KCNIP4: variants seen among roughly 807,000 people sequenced by gnomAD.
KCNIP4 encodes the protein potassium voltage-gated channel interacting protein 4, also known as Kv channel-interacting protein 4.
KCNIP4 carries 12 observed loss-of-function variants against 34.0 expected under a neutral mutation model. The ratio of observed to expected loss-of-function variants is 0.35; its 90% confidence interval spans 0.23 to 0.57. The LOEUF (loss-of-function observed/expected upper bound fraction) is 0.57. Among genes scored for constraint, KCNIP4 ranks in the 20% least tolerant of loss-of-function variants. The probability of loss-of-function intolerance (pLI) is 0.83; values close to 1 mark genes in which losing one functional copy is unlikely to be tolerated. For synonymous variants in KCNIP4, 124 were observed against 102.2 expected (o/e 1.21, Z -1.29); for missense variants, 238 against 311.7 (o/e 0.76, Z 1.78).
At chr4:21,473,623 A>G (rs1446593765) in intron 1 of KCNIP4, among the ~76,000 whole-genome samples, 1 of 152,230 alleles carries the variant, frequency 6.6e-6, no homozygotes, top group East Asian at 1.9e-4. Flanking sequence ...AGTGAGCACA[A>G]GAAAACTTTA....
chr4:21,429,131 A>G (rs539730461), intron 1 of KCNIP4, among the ~76,000 whole-genome samples: 5 of 152,234 alleles, frequency 3.3e-5, no homozygotes, highest in African/African-American at 1.2e-4. Context: ...TGCGCCGCCT[A>G]TTCATTGATT....
At chr4:20,731,976 A>G in intron 8 of KCNIP4, 30 bp downstream of exon 8, 1 of 1,612,190 alleles carries the variant, frequency 6.2e-7, no homozygotes. Context: ...TGATAGCTGA[A>G]TTGATAGTTA....
At chr4:21,700,863 C>A (rs1239650132) in intron 1 of KCNIP4, among the ~76,000 whole-genome samples, 1 of 152,106 alleles carries the variant, frequency 6.6e-6, no homozygotes, top group Non-Finnish European at 1.5e-5. Context: ...TGTCCTCTCC[C>A]CATGGTGTGT....
chr4:21,942,716 T>G (rs1267177996), intron 1 of KCNIP4, among the ~76,000 whole-genome samples: 1 of 152,232 alleles, frequency 6.6e-6, no homozygotes, highest in African/African-American at 2.4e-5. Flanking sequence ...GTGATTTAAT[T>G]CAATCAATAT....
intron 1 of KCNIP4, among the ~76,000 whole-genome samples, chr4:20,909,157 T>A (rs887747195): frequency 6.6e-6 from 1 of 152,230 alleles, no homozygotes; most frequent in Non-Finnish European, 1.5e-5. Context: ...GGTTTGCTTA[T>A]TGAATAGACT....
At chr4:20,803,773 G>T (rs1474665124) in intron 3 of KCNIP4, among the ~76,000 whole-genome samples, 2 of 146,352 alleles carry the variant, frequency 1.4e-5, no homozygotes, top group African/African-American at 5.1e-5. Context: ...AAGGAAGGAC[G>T]GAAAATAGAG....
intron 1 of KCNIP4, among the ~76,000 whole-genome samples, chr4:21,196,855 T>C (rs1254162537): frequency 6.6e-6 from 1 of 152,130 alleles, no homozygotes; most frequent in African/African-American, 2.4e-5. Flanking sequence ...TCTGATGCAT[T>C]TGTACATGCA....
intron 1 of KCNIP4, among the ~76,000 whole-genome samples, chr4:21,545,596 C>T (rs1560505300): frequency 6.6e-6 from 1 of 152,152 alleles, no homozygotes; most frequent in Admixed American, 6.5e-5. Context: ...CATGTGTTCT[C>T]ATTGTTCAAC....
At position 21,689,462 on chromosome 4, in the gene KCNIP4, G is replaced by A. The variant is rs373205013; in HGVS notation, c.61+259109C>T. Among the ~76,000 whole-genome samples the A allele has an allele frequency of 4.0e-5, 6 of 151,836 alleles. No homozygotes were observed. In the South Asian group the frequency reaches 8.3e-4, roughly 21 times the overall value. On this transcript the variant is annotated intron_variant, in intron 1 of 8. Coordinates refer to ENST00000382152, the MANE Select transcript of KCNIP4 (RefSeq NM_025221.6). ...GGTCATCTAATTGGTCTTCCCAATT[G>A]TGAGGTTAGGAATTAAAAGCTGGAA...
chr4:21,808,354 C>T (rs1721426270), intron 1 of KCNIP4, among the ~76,000 whole-genome samples: 1 of 152,120 alleles, frequency 6.6e-6, no homozygotes, highest in Admixed American at 6.5e-5. Flanking sequence ...TCCTCCTCAG[C>T]CTACTCGACA....
intron 2 of KCNIP4, among the ~76,000 whole-genome samples, chr4:20,851,021 C>CAGTAT (rs5856584): frequency 0.35 from 53,318 of 151,742 alleles, 10,330 homozygotes; most frequent in Admixed American, 0.46. Context: ...ATAAATCTAA[C>CAGTAT]AGTAACATAT....
chr4:21,129,684 T>C (rs1382140219), intron 1 of KCNIP4, among the ~76,000 whole-genome samples: 2 of 152,162 alleles, frequency 1.3e-5, no homozygotes, highest in Non-Finnish European at 2.9e-5. Context: ...GGAATGGGAG[T>C]GAATTTACGA....
At chr4:21,866,222 T>G (rs1054311719) in intron 1 of KCNIP4, among the ~76,000 whole-genome samples, 1 of 152,164 alleles carries the variant, frequency 6.6e-6, no homozygotes, top group African/African-American at 2.4e-5. Flanking sequence ...ACACTGAGAC[T>G]TTGCACATCT....
At chr4:21,590,760 G>T (rs966552358) in intron 1 of KCNIP4, among the ~76,000 whole-genome samples, 4 of 151,884 alleles carry the variant, frequency 2.6e-5, no homozygotes, top group South Asian at 2.1e-4. Flanking sequence ...TTATTGTTTT[G>T]TAGAGAAGGG....
At chr4:21,345,542 C>T (rs1360363435) in intron 1 of KCNIP4, among the ~76,000 whole-genome samples, 2 of 151,986 alleles carry the variant, frequency 1.3e-5, no homozygotes, top group East Asian at 1.9e-4. Context: ...CATATTTAAA[C>T]AGAAAAACTT....
intron 1 of KCNIP4, among the ~76,000 whole-genome samples, chr4:21,293,765 T>C (rs897623050): frequency 6.6e-6 from 1 of 152,162 alleles, no homozygotes; most frequent in Non-Finnish European, 1.5e-5. Context: ...GAGAAAAGAA[T>C]TAAAAAATCA....
chr4:21,313,852 T>C (rs1713447262), intron 1 of KCNIP4, among the ~76,000 whole-genome samples: 1 of 152,216 alleles, frequency 6.6e-6, no homozygotes, highest in South Asian at 2.1e-4. Context: ...CGGTATTGTT[T>C]CACAGTTTTC....
At chr4:21,321,823 AAAG>A (rs1291347830) in intron 1 of KCNIP4, among the ~76,000 whole-genome samples, 5 of 146,076 alleles carry the variant, frequency 3.4e-5, no homozygotes, top group South Asian at 2.3e-4. Flanking sequence ...GGAAGGAGAA[AAAG>A]AAGAAGGGAA....
chr4:21,577,931 A>C (rs1340629256), intron 1 of KCNIP4, among the ~76,000 whole-genome samples: 1 of 152,174 alleles, frequency 6.6e-6, no homozygotes, highest in African/African-American at 2.4e-5. Context: ...TACTATTCTT[A>C]CATATATTCT....
Sources: allele counts gnomAD v4.1 joint callset (sites outside exome capture counted in the v4.1 genomes callset), GRCh38; gene constraint gnomAD v4.1.1; transcripts MANE v1.5; gene names NCBI Gene and HGNC (gene_info 2026-07-23, HGNC 2026-07-21).